The following PTBP2 variants were observed in gnomAD, a reference collection of about 807,000 sequenced individuals.
The protein encoded by PTBP2 is polypyrimidine tract binding protein 2.
In PTBP2, 13 loss-of-function variants were observed where a neutral mutation model predicts 61.4. The observed-to-expected ratio is 0.21, with a 90% CI of 0.14 to 0.34. PTBP2 has a LOEUF of 0.34. Among genes scored for constraint, PTBP2 ranks in the 10% least tolerant of loss-of-function variants. The probability of loss-of-function intolerance (pLI) is 1.00; values close to 1 mark genes in which losing one functional copy is unlikely to be tolerated. For synonymous variants in PTBP2, 215 were observed against 218.5 expected (o/e 0.98, Z 0.14); for missense variants, 405 against 642.6 (o/e 0.63, Z 4.00).
At position 96,814,331 on chromosome 1, in the gene PTBP2, T is replaced by C. The variant is rs1183088460; in HGVS notation, c.*926T>C. The stretch of plus-strand genomic sequence containing the variant: ...CTGAGCATGTGCAGACTGGTCTAGC[T>C]AGTTCAGGAACTGGTGCATGTATTT... On this transcript the variant is annotated 3_prime_UTR_variant, in exon 14 of 14. Coordinates refer to ENST00000674951, the MANE Select transcript of PTBP2 (RefSeq NM_021190.4). The C allele has an allele frequency of 6.6e-6, 1 of 152,586 alleles. No homozygotes were observed. Among genetic ancestry groups the C allele is most frequent in the Non-Finnish European group, 1.5e-5 (1 of 67,976 alleles). 9.5% of individuals were successfully genotyped at this position (152,586 alleles called of 1,614,324 possible). A position where few individuals can be genotyped will look rare whatever the true frequency, so the allele number is the denominator to read the frequency against.
At chr1:96,785,015 A>G in intron 7 of PTBP2, 44 bp from the exon 8 acceptor site, 2 of 1,386,642 alleles carry the variant, frequency 1.4e-6, no homozygotes, top group Non-Finnish European at 1.9e-6. Flanking sequence ...ACTAATTTTT[A>G]TTTTTTGTTT....
chr1:96,745,528 A>G (rs1473005492), intron 2 of PTBP2, among the ~76,000 whole-genome samples: 6 of 151,220 alleles, frequency 4.0e-5, no homozygotes, highest in Non-Finnish European at 8.8e-5. Flanking sequence ...CTTTTGCCTT[A>G]TTTTTTCAAT....
intron 2 of PTBP2, among the ~76,000 whole-genome samples, chr1:96,732,941 G>A (rs143372518): frequency 1.4e-3 from 216 of 151,582 alleles, no homozygotes; most frequent in African/African-American, 4.8e-3. Context: ...AGTGAAATTT[G>A]TACTTCATCT....
rs1254347185 is a variant in PTBP2, at chr1:96,755,593, CTAA to C, written c.115+4097_115+4099del. Among the ~76,000 whole-genome samples, 3 of 152,242 alleles carry C rather than the reference CTAA, an allele frequency of 2.0e-5. No homozygotes were observed. The East Asian group carries it at 5.8e-4, about 29-fold the overall frequency. On this transcript the variant is annotated intron_variant, in intron 3 of 13. Coordinates refer to ENST00000674951, the MANE Select transcript of PTBP2 (RefSeq NM_021190.4). The stretch of plus-strand genomic sequence containing the variant: ...AAACAAACATTCATCAACAGATGAA[CTAA>C]TAAGTAGATTCCTGTTTTGGCATCA...
In PTBP2 at chr1:96,746,125, T is replaced by C. The variant is rs958259194; in HGVS notation, c.40-5300T>C. ...ATTTTGACTTTAAGAACAATACTGC[T>C]GTGAACTTCTTTGTACTTGTTTCCT... On this transcript the variant is annotated intron_variant, in intron 2 of 13. Transcript: ENST00000674951. Among the ~76,000 whole-genome samples, 3 of 152,126 alleles carry C rather than the reference T, an allele frequency of 2.0e-5. No individual in the cohort carries two copies. In the East Asian group the frequency reaches 5.8e-4, roughly 29 times the overall value.
chr1:96,729,398 G>C (rs1400352265), intron 2 of PTBP2, among the ~76,000 whole-genome samples: 2 of 152,052 alleles, frequency 1.3e-5, no homozygotes, highest in Non-Finnish European at 2.9e-5. Context: ...CTATCTGGAT[G>C]CCATTTTTTG....
intron 2 of PTBP2, among the ~76,000 whole-genome samples, chr1:96,747,831 G>T (rs1195436066): frequency 2.0e-5 from 3 of 151,472 alleles, no homozygotes; most frequent in Non-Finnish European, 4.4e-5. Flanking sequence ...ATGTGTGATT[G>T]TGCTCTTCTC....
intron 3 of PTBP2, 44 bp from the exon 4 acceptor site, chr1:96,769,659 C>G (rs1286584955): frequency 7.6e-7 from 1 of 1,317,982 alleles, no homozygotes; most frequent in Non-Finnish European, 1.0e-6. Context: ...TTCATACATT[C>G]TTTTATTGTT....
chr1:96,740,956 G>C (rs1487531688), intron 2 of PTBP2, among the ~76,000 whole-genome samples: 1 of 151,870 alleles, frequency 6.6e-6, no homozygotes, highest in Non-Finnish European at 1.5e-5. Flanking sequence ...TAATATTAGA[G>C]TTTCTCATAG....
chr1:96,760,440 CT>C (rs989047792), intron 3 of PTBP2, among the ~76,000 whole-genome samples: 1,740 of 83,036 alleles, frequency 0.021, 4 homozygotes, highest in African/African-American at 0.052. Context: ...AAATAGTTTG[CT>C]TTTTTTTTTT....
At chr1:96,792,609 CTAAGA>C (rs1171141177) in intron 8 of PTBP2, among the ~76,000 whole-genome samples, 2 of 151,718 alleles carry the variant, frequency 1.3e-5, no homozygotes, top group African/African-American at 2.4e-5. Flanking sequence ...TTTTTACATA[CTAAGA>C]TATTTTTTGT....
chr1:96,724,797 G>A (rs1184951355), intron 2 of PTBP2, among the ~76,000 whole-genome samples: 1 of 151,916 alleles, frequency 6.6e-6, no homozygotes, highest in African/African-American at 2.4e-5. Flanking sequence ...CATGGCACAT[G>A]TATACATATG....
chr1:96,812,130 G>C (rs1011359291), intron 11 of PTBP2, among the ~76,000 whole-genome samples: 1 of 152,164 alleles, frequency 6.6e-6, no homozygotes, highest in Non-Finnish European at 1.5e-5. Flanking sequence ...AAAGGTATAA[G>C]CCATGTTAAA....
intron 5 of PTBP2, among the ~76,000 whole-genome samples, chr1:96,776,076 T>C (rs139553611): frequency 3.7e-4 from 57 of 152,136 alleles, no homozygotes; most frequent in Non-Finnish European, 6.6e-4. Context: ...AGGGGAATTT[T>C]TAATCTTTAA....
At chr1:96,760,038 G>C (rs1461365456) in intron 3 of PTBP2, among the ~76,000 whole-genome samples, 1 of 152,046 alleles carries the variant, frequency 6.6e-6, no homozygotes, top group Non-Finnish European at 1.5e-5. Context: ...GAACAGCATT[G>C]GAAAGACCTG....
At chr1:96,754,386 T>C (rs978570811) in intron 3 of PTBP2, among the ~76,000 whole-genome samples, 8 of 152,190 alleles carry the variant, frequency 5.3e-5, no homozygotes, top group African/African-American at 1.9e-4. Context: ...AATGGATGTT[T>C]ATATGACAAC....
rs1302040912 is a variant in PTBP2 at position 96,765,958 on chromosome 1, T to TTC, written c.116-3744_116-3743dup. Among the ~76,000 whole-genome samples the TTC allele has an allele frequency of 2.6e-5, 4 of 152,212 alleles. No individual in the cohort carries two copies. The East Asian group carries it at 7.7e-4, about 29-fold the overall frequency. On this transcript the variant is annotated intron_variant, in intron 3 of 13. Coordinates refer to ENST00000674951, the MANE Select transcript of PTBP2 (RefSeq NM_021190.4). ...GAGAAATTCAGTGAGGAAGAGAGGG[T>TTC]TCACAGTTCCTTGTTGACTGATGGA...
intron 8 of PTBP2, among the ~76,000 whole-genome samples, chr1:96,802,374 A>G (rs568716577): frequency 6.6e-6 from 1 of 152,188 alleles, no homozygotes; most frequent in Non-Finnish European, 1.5e-5. Flanking sequence ...CAGGAGATAC[A>G]GAGTATTTTA....
chr1:96,767,267 T>C (rs1363034170), intron 3 of PTBP2, among the ~76,000 whole-genome samples: 1 of 152,132 alleles, frequency 6.6e-6, no homozygotes, highest in African/African-American at 2.4e-5. Context: ...TCCTTAATAA[T>C]AGGTTTAGGC....
Sources: allele counts gnomAD v4.1 joint callset (sites outside exome capture counted in the v4.1 genomes callset), GRCh38; gene constraint gnomAD v4.1.1; transcripts MANE v1.5; gene names NCBI Gene and HGNC (gene_info 2026-07-23, HGNC 2026-07-21).